Variants in ACSS2 observed in about 807,000 individuals in gnomAD.
ACSS2 encodes acetyl-coenzyme A synthetase, cytoplasmic.
Under a neutral mutation model 90.6 loss-of-function variants are expected in ACSS2, and 58 were observed. The observed-to-expected ratio is 0.64, with a 90% CI of 0.52 to 0.80. ACSS2 has a LOEUF of 0.80. Among genes scored for constraint, ACSS2 ranks in the 30% least tolerant of loss-of-function variants. The pLI is 0.00. For synonymous variants in ACSS2, 300 were observed against 330.9 expected, an observed-to-expected ratio of 0.91 and a Z score of 1.01; for missense variants, 759 against 912.0, an observed-to-expected ratio of 0.83 and a Z score of 2.16.
chr20:34,890,560 T>C (rs1009370601), intron 2 of ACSS2, among the ~76,000 whole-genome samples: 2 of 151,964 alleles, frequency 1.3e-5, no homozygotes, highest in South Asian at 4.2e-4. Flanking sequence ...GAAAGAGTGG[T>C]TGATGGCTGA....
intron 17 of ACSS2, 33 bp downstream of exon 17, chr20:34,926,984 G>T: frequency 6.2e-7 from 1 of 1,614,094 alleles, no homozygotes; most frequent in Non-Finnish European, 8.5e-7. Context: ...ATTGGGATGG[G>T]CTGAGGCCTG....
rs753318079 is a variant in ACSS2 at position 34,914,306 on chromosome 20, G to A, written c.720-17G>A. On this transcript the variant is annotated splice_polypyrimidine_tract_variant and intron_variant, in intron 6 of 17. Transcript: ENST00000360596. Reference sequence around the variant, plus strand: ...TGAGCCAACAAGGCTACCACTTTAGGCTTTTCTCTTCTCCAGGGGTTTCCC... The same window carrying A: ...TGAGCCAACAAGGCTACCACTTTAGACTTTTCTCTTCTCCAGGGGTTTCCC... The A allele has an allele frequency of 5.0e-6, 8 of 1,610,898 alleles. No individual in the cohort carries two copies. Among genetic ancestry groups the A allele is most frequent in the Admixed American group, 1.7e-5 (1 of 59,740 alleles).
At chr20:34,890,358 A>T (rs1450467491) in intron 2 of ACSS2, among the ~76,000 whole-genome samples, 1 of 152,086 alleles carries the variant, frequency 6.6e-6, no homozygotes, top group Non-Finnish European at 1.5e-5. Flanking sequence ...TAAATATGTT[A>T]GTGGGGGTGC....
chr20:34,898,184 G>A (rs1041219339), intron 2 of ACSS2, among the ~76,000 whole-genome samples: 1 of 152,116 alleles, frequency 6.6e-6, no homozygotes, highest in African/African-American at 2.4e-5. Flanking sequence ...ATTGCAAAGA[G>A]CAAAAGAACA....
chr20:34,900,490 G>A (rs942715452), intron 2 of ACSS2, among the ~76,000 whole-genome samples: 4 of 152,092 alleles, frequency 2.6e-5, no homozygotes, highest in Non-Finnish European at 4.4e-5. Context: ...ACTGCCTTTT[G>A]AAGACTGGCC....
chr20:34,889,739 T>C (rs2080289231), intron 2 of ACSS2, among the ~76,000 whole-genome samples: 2 of 152,170 alleles, frequency 1.3e-5, no homozygotes, highest in Non-Finnish European at 2.9e-5. Flanking sequence ...GTCATGAAGA[T>C]GGTTAGATGT....
chr20:34,915,354 G>C, intron 7 of ACSS2: 1 of 1,436,484 alleles, frequency 7.0e-7, no homozygotes, highest in Non-Finnish European at 9.8e-7. Context: ...GTGGCTGCCA[G>C]ACCTAACCTC....
chr20:34,912,959 G>A lies in ACSS2; in HGVS notation c.375-137G>A, dbSNP rs972619079. The A allele has an allele frequency of 4.1e-6, 3 of 732,280 alleles. No individual in the cohort carries two copies. The Admixed American group carries it at 6.0e-5, about 15-fold the overall frequency. 45.4% of individuals were successfully genotyped at this position (732,280 alleles called of 1,614,324 possible). A position where few individuals can be genotyped will look rare whatever the true frequency, so the allele number is the denominator to read the frequency against. On this transcript the variant is annotated intron_variant, in intron 2 of 17. Coordinates refer to ENST00000360596, the MANE Select transcript of ACSS2 (RefSeq NM_018677.4). Reference sequence around the variant, plus strand: ...GCTCAAGATTGGTGATGGCAAGATTGATGGTGGGCAGATAGCTCATCCTCA... The same window carrying A: ...GCTCAAGATTGGTGATGGCAAGATTAATGGTGGGCAGATAGCTCATCCTCA...
Position 34,926,300 on chromosome 20 carries a change from C to A in ACSS2, c.1903+19C>A. 1 of 1,612,436 alleles carries A rather than the reference C, an allele frequency of 6.2e-7. No individual in the cohort carries two copies. The highest frequency in any genetic ancestry group is 8.5e-7 in the Non-Finnish European group (1 of 1,179,042). Reference sequence around the variant, plus strand: ...AAGCAGAGTAAGGAGCCTCCCTGGGCAGGGACTATAGGGTCTGTCTTGGAG... The same window carrying A: ...AAGCAGAGTAAGGAGCCTCCCTGGGAAGGGACTATAGGGTCTGTCTTGGAG... On this transcript the variant is annotated intron_variant, in intron 16 of 17. Coordinates refer to ENST00000360596, the MANE Select transcript of ACSS2 (RefSeq NM_018677.4).
At chr20:34,878,537 T>G (rs1453763209) in intron 1 of ACSS2, among the ~76,000 whole-genome samples, 1 of 152,180 alleles carries the variant, frequency 6.6e-6, no homozygotes, top group African/African-American at 2.4e-5. Context: ...TCTGATACAA[T>G]ATAAATCAAG....
At chr20:34,915,165 C>G (rs2081050862) in intron 7 of ACSS2, 1 of 1,597,796 alleles carries the variant, frequency 6.3e-7, no homozygotes, top group Non-Finnish European at 8.6e-7. Flanking sequence ...TCCTCCCACT[C>G]CCTGTATACT....
In ACSS2 at chr20:34,920,545, G is replaced by C; in HGVS notation, c.979G>C (p.Val327Leu). 6.2e-7 allele frequency: 1 copy of C among 1,613,856 alleles called. No homozygotes were observed. The highest frequency in any genetic ancestry group is 8.5e-7 in the Non-Finnish European group (1 of 1,179,956). The change falls in exon 9 of 18, where the codon GTT becomes CTT. Residue 327 changes from valine (V) to leucine (L), a missense_variant. By Grantham distance (32) the Val-to-Leu change is conservative (BLOSUM62 1). Coordinates refer to ENST00000360596, the MANE Select transcript of ACSS2 (RefSeq NM_018677.4). ...SGSTGKPKGV[V>L]HTVGGYMLYV... ...TTCCCCATTCTTCCCACAGGGTGTG[G>C]TTCACACAGTTGGGGGCTACATGCT...
At chr20:34,877,647 C>T (rs2079950253) in intron 1 of ACSS2, among the ~76,000 whole-genome samples, 1 of 151,466 alleles carries the variant, frequency 6.6e-6, no homozygotes, top group Non-Finnish European at 1.5e-5. Flanking sequence ...GTGAAACCCC[C>T]GTCTCCACTA....
chr20:34,919,712 C>G, intron 8 of ACSS2, 140 bp downstream of exon 8: 4 of 1,291,672 alleles, frequency 3.1e-6, no homozygotes, highest in Non-Finnish European at 3.1e-6. Flanking sequence ...GTAGCATTGT[C>G]TTTTCTAAAT....
intron 16 of ACSS2, 110 bp from the exon 17 acceptor site, chr20:34,926,767 G>A: frequency 2.9e-6 from 3 of 1,024,278 alleles, no homozygotes; most frequent in Non-Finnish European, 4.5e-6. Flanking sequence ...TGTCTCTGTG[G>A]GCAGGGACTT....
intron 2 of ACSS2, among the ~76,000 whole-genome samples, chr20:34,897,706 G>A (rs576314819): frequency 1.5e-3 from 232 of 152,184 alleles, no homozygotes; most frequent in Non-Finnish European, 2.4e-3. Flanking sequence ...GTGCATGCTT[G>A]TAATTCCAGG....
Position 34,921,370 on chromosome 20 carries a change from G to A in ACSS2, c.1318G>A (p.Glu440Lys). 6.2e-7 allele frequency: 1 copy of A among 1,614,226 alleles called. No individual in the cohort carries two copies. Among genetic ancestry groups the A allele is most frequent in the East Asian group, 2.2e-5 (1 of 44,874 alleles). ...ASLQVLGTVG[E>K]PINPEAWLWY... ...CTTGCAGGTGTTAGGCACAGTGGGT[G>A]AACCCATCAACCCTGAGGCCTGGCT... Residue 440 changes from glutamate (E) to lysine (K), a missense_variant, in exon 11 of 18, where the codon GAA becomes AAA. Physicochemically the swap from Glu to Lys is moderately conservative, Grantham distance 56 (BLOSUM62 1). Coordinates refer to ENST00000360596, the MANE Select transcript of ACSS2 (RefSeq NM_018677.4).
chr20:34,894,315 C>T (rs2080410297), intron 2 of ACSS2, among the ~76,000 whole-genome samples: 1 of 151,644 alleles, frequency 6.6e-6, no homozygotes, highest in Non-Finnish European at 1.5e-5. Flanking sequence ...ACAGGTAGAC[C>T]CCATCTCTAT....
At chr20:34,906,606 G>A (rs1027894784) in intron 2 of ACSS2, among the ~76,000 whole-genome samples, 10 of 152,100 alleles carry the variant, frequency 6.6e-5, no homozygotes, top group Non-Finnish European at 2.9e-5. Context: ...TGCATAGGTT[G>A]TGCTTATTTC....
Sources: allele counts gnomAD v4.1 joint callset (sites outside exome capture counted in the v4.1 genomes callset), GRCh38; gene constraint gnomAD v4.1.1; transcripts MANE v1.5; gene names NCBI Gene and HGNC (gene_info 2026-07-23, HGNC 2026-07-21).